CLMP: variants seen among roughly 807,000 people sequenced by gnomAD.
CLMP encodes the protein CXADR-like membrane protein.
In CLMP, 27 loss-of-function variants were observed where a neutral mutation model predicts 45.2. That is an observed-to-expected ratio of 0.60 (90% CI 0.44 to 0.82). CLMP has a LOEUF of 0.82. CLMP is among the 40% of genes least tolerant of loss of function. CLMP has a pLI of 0.00. For synonymous variants in CLMP, 167 were observed against 171.4 expected, an observed-to-expected ratio of 0.97 and a Z score of 0.20; for missense variants, 403 against 448.4, an observed-to-expected ratio of 0.90 and a Z score of 0.91.
chr11:123,133,308 G>A (rs899034333), intron 1 of CLMP, among the ~76,000 whole-genome samples: 3 of 151,982 alleles, frequency 2.0e-5, no homozygotes, highest in East Asian at 1.9e-4. Context: ...CCAATCTTTG[G>A]CTCTGTCTAG....
At chr11:123,167,476 G>A (rs947683108) in intron 1 of CLMP, among the ~76,000 whole-genome samples, 6 of 152,004 alleles carry the variant, frequency 3.9e-5, no homozygotes, top group Non-Finnish European at 7.4e-5. Flanking sequence ...TAGTAGAGAC[G>A]GGGTTTCACT....
At chr11:123,140,826 A>G (rs562822133) in intron 1 of CLMP, among the ~76,000 whole-genome samples, 78 of 151,484 alleles carry the variant, frequency 5.1e-4, no homozygotes, top group African/African-American at 1.8e-3. Context: ...TCCAAATCTC[A>G]TGCTGAAATA....
intron 1 of CLMP, among the ~76,000 whole-genome samples, chr11:123,172,026 T>G (rs1000567499): frequency 6.6e-6 from 1 of 152,186 alleles, no homozygotes; most frequent in Admixed American, 6.5e-5. Flanking sequence ...CTGTATTTTT[T>G]TTTTACTCAA....
At chr11:123,116,073 G>C (rs962627406) in intron 1 of CLMP, among the ~76,000 whole-genome samples, 2 of 151,956 alleles carry the variant, frequency 1.3e-5, no homozygotes, top group Non-Finnish European at 2.9e-5. Context: ...CTCACCACAC[G>C]GCAGCTGGCT....
rs765779887 is a variant in CLMP at position 123,098,816 on chromosome 11, C to T, written c.29-864G>A. Among the ~76,000 whole-genome samples, 5 of 150,816 alleles carry T rather than the reference C, an allele frequency of 3.3e-5. No individual in the cohort carries two copies. In the East Asian group the frequency reaches 7.9e-4, roughly 24 times the overall value. ...CCGTCCCCCAGGTTCAAGCGATTCTCGTGCCTCAGCCTCCCAAGTAGCTGG... is the reference window on the plus strand; with the variant it reads ...CCGTCCCCCAGGTTCAAGCGATTCTTGTGCCTCAGCCTCCCAAGTAGCTGG... On this transcript the variant is annotated intron_variant, in intron 1 of 6. Coordinates refer to ENST00000448775, the MANE Select transcript of CLMP (RefSeq NM_024769.5).
At chr11:123,134,447 T>C (rs1861039251) in intron 1 of CLMP, among the ~76,000 whole-genome samples, 1 of 151,994 alleles carries the variant, frequency 6.6e-6, no homozygotes, top group African/African-American at 2.4e-5. Context: ...AAGATTAAAA[T>C]TTGTCCCTGG....
intron 1 of CLMP, among the ~76,000 whole-genome samples, chr11:123,179,671 G>A (rs1861743983): frequency 6.6e-6 from 1 of 152,164 alleles, no homozygotes; most frequent in African/African-American, 2.4e-5. Flanking sequence ...ATCCGCAGGG[G>A]GCAGAGGCCA....
intron 1 of CLMP, among the ~76,000 whole-genome samples, chr11:123,109,059 C>CAAA (rs776811883): frequency 1.2e-4 from 8 of 64,200 alleles, no homozygotes; most frequent in East Asian, 8.9e-4. Context: ...AACTCTGTCT[C>CAAA]AAAAAAAAAA....
chr11:123,106,705 G>A (rs1317111298), intron 1 of CLMP, among the ~76,000 whole-genome samples: 1 of 152,122 alleles, frequency 6.6e-6, no homozygotes, highest in Non-Finnish European at 1.5e-5. Context: ...CACACACTCA[G>A]CAAATGGCAA....
At chr11:123,134,807 CA>C (rs34337103) in intron 1 of CLMP, among the ~76,000 whole-genome samples, 40,407 of 144,324 alleles carry the variant, frequency 0.28, 5,896 homozygotes, top group African/African-American at 0.41. Flanking sequence ...GACTCCGTCT[CA>C]AAAAAAAAAA....
At chr11:123,133,828 T>C (rs1391584303) in intron 1 of CLMP, among the ~76,000 whole-genome samples, 1 of 152,184 alleles carries the variant, frequency 6.6e-6, no homozygotes, top group African/African-American at 2.4e-5. Flanking sequence ...GAGGCCTTGC[T>C]GTCTCCCCCA....
At chr11:123,120,805 C>T (rs1229773680) in intron 1 of CLMP, among the ~76,000 whole-genome samples, 2 of 152,038 alleles carry the variant, frequency 1.3e-5, no homozygotes, top group South Asian at 2.1e-4. Flanking sequence ...TTTTCTCAAA[C>T]GTCTCATGTT....
intron 1 of CLMP, among the ~76,000 whole-genome samples, chr11:123,148,334 G>C (rs889904918): frequency 3.3e-5 from 5 of 152,186 alleles, no homozygotes; most frequent in African/African-American, 4.8e-5. Flanking sequence ...CTGCACAAGG[G>C]CATTTGGATG....
chr11:123,103,378 A>G (rs1391221711), intron 1 of CLMP, among the ~76,000 whole-genome samples: 2 of 152,232 alleles, frequency 1.3e-5, no homozygotes, highest in African/African-American at 4.8e-5. Context: ...AAATGCCAAG[A>G]GCCAGCTATG....
At chr11:123,174,052 C>A (rs973975472) in intron 1 of CLMP, among the ~76,000 whole-genome samples, 5 of 152,090 alleles carry the variant, frequency 3.3e-5, no homozygotes, top group Admixed American at 6.6e-5. Context: ...TACTGCATTC[C>A]AGCCTGGGCA....
chr11:123,137,504 A>G (rs1861093557), intron 1 of CLMP, among the ~76,000 whole-genome samples: 1 of 151,704 alleles, frequency 6.6e-6, no homozygotes. Context: ...AAACAGTTTC[A>G]CCAGAGGCCG....
In CLMP at chr11:123,102,321, G is replaced by A. The variant is rs1401583833; in HGVS notation, c.29-4369C>T. On this transcript the variant is annotated intron_variant, in intron 1 of 6. Coordinates refer to ENST00000448775, the MANE Select transcript of CLMP (RefSeq NM_024769.5). ...TTTTGAGATGGAGTGTCTCTCTGTC[G>A]CCAGGCTGGAGTGCAGTGGCACAAT... is the stretch of plus-strand genomic sequence containing the variant. Among the ~76,000 whole-genome samples, 11 of 128,254 alleles carry A rather than the reference G, an allele frequency of 8.6e-5. No individual in the cohort carries two copies. The East Asian group carries it at 1.4e-3, about 17-fold the overall frequency. The allele number at this position is 128,254 out of a possible 152,430, so 84.1% of individuals were successfully genotyped here. A position where few individuals can be genotyped will look rare whatever the true frequency, so the allele number is the denominator to read the frequency against.
At chr11:123,074,962 T>C (rs976541426) in intron 5 of CLMP, 119 bp from the exon 6 acceptor site, 12 of 1,233,706 alleles carry the variant, frequency 9.7e-6, no homozygotes, top group African/African-American at 1.5e-5. Flanking sequence ...TTGTTTTGTT[T>C]TTTTTTTTTT....
intron 1 of CLMP, among the ~76,000 whole-genome samples, chr11:123,170,268 G>T (rs1177004908): frequency 1.3e-5 from 2 of 152,054 alleles, no homozygotes; most frequent in East Asian, 3.9e-4. Context: ...CATTATACAG[G>T]GTTAAATCAA....
Sources: gnomAD v4.1 joint callset for allele counts (sites outside exome capture counted in the v4.1 genomes callset) on GRCh38, gnomAD v4.1.1 for gene constraint, MANE v1.5 for transcripts, NCBI Gene and HGNC (gene_info 2026-07-23, HGNC 2026-07-21) for gene names.